SPRED3: variants seen among roughly 807,000 people sequenced by gnomAD.
SPRED3 encodes the protein sprouty related EVH1 domain containing 3.
A neutral mutation model predicts 37.6 loss-of-function variants in SPRED3; 23 were observed. The ratio of observed to expected loss-of-function variants is 0.61; its 90% CI spans 0.44 to 0.87. The LOEUF is 0.87. SPRED3 is among the 40% of genes least tolerant of loss of function. The pLI is 0.00. For missense variants in SPRED3, 584 were observed against 618.6 expected (o/e 0.94, Z 0.59); for synonymous variants, 302 against 279.6 (o/e 1.08, Z -0.80).
chr19:38,390,446 C>CGTCATCCACGGGGAA lies in SPRED3; in HGVS notation c.145_159dup (p.Val49_Glu53dup). 7.2e-7 allele frequency: 1 copy of CGTCATCCACGGGGAA among 1,394,708 alleles called. No homozygotes were observed. The highest frequency in any genetic ancestry group is 1.8e-5 in the South Asian group (1 of 55,366). 86.4% of individuals were successfully genotyped at this position (1,394,708 alleles called of 1,614,324 possible). A position where few individuals can be genotyped will look rare whatever the true frequency, so the allele number is the denominator to read the frequency against. ...AGGGGGGGGCCCGCCAGGGGCACTA[C>CGTCATCCACGGGGAA]GTCATCCACGGGGAACGCCTCCGGG... On this transcript the variant is annotated inframe_insertion, in exon 2 of 6. Coordinates refer to ENST00000691638, the MANE Select transcript of SPRED3 (RefSeq NM_001394336.1).
chr19:38,396,502 A>C lies in SPRED3; in HGVS notation c.*357A>C, dbSNP rs73044923. 0.057 allele frequency: 9,913 copies of C among 174,630 alleles called. 384 individuals carry two copies. Among genetic ancestry groups the C allele is most frequent in the East Asian group, 0.12 (813 of 6,770 alleles). The allele number at this position is 174,630 out of a possible 1,614,324, so 10.8% of individuals were successfully genotyped here. A position where few individuals can be genotyped will look rare whatever the true frequency, so the allele number is the denominator to read the frequency against. Reference sequence around the variant, plus strand: ...TCCCTGTTGAAATGAACAACCTAGAACCCGGTCACGCCTGGCACCATGTCC... The same window carrying C: ...TCCCTGTTGAAATGAACAACCTAGACCCCGGTCACGCCTGGCACCATGTCC... On this transcript the variant is annotated 3_prime_UTR_variant, in exon 6 of 6. Coordinates refer to ENST00000691638, the MANE Select transcript of SPRED3 (RefSeq NM_001394336.1).
rs1262698441 is a variant in SPRED3, at chr19:38,397,660, C to T, written c.*1515C>T. ...CCTGTCATCCATAGGCCCCTAAAAC[C>T]CCAAGGTTCCAGCCTCTGGAATTCT... On this transcript the variant is annotated 3_prime_UTR_variant, in exon 6 of 6. Transcript: ENST00000691638. The T allele has an allele frequency of 6.6e-6, 1 of 152,148 alleles. No individual in the cohort carries two copies. The highest frequency in any genetic ancestry group is 1.5e-5 in the Non-Finnish European group (1 of 68,072). 9.4% of individuals were successfully genotyped at this position (152,148 alleles called of 1,614,324 possible). A position where few individuals can be genotyped will look rare whatever the true frequency, so the allele number is the denominator to read the frequency against.
At chr19:38,393,370 C>T (rs1204415669) in intron 4 of SPRED3, among the ~76,000 whole-genome samples, 10 of 115,312 alleles carry the variant, frequency 8.7e-5, no homozygotes, top group East Asian at 5.9e-4. Context: ...TTTTTTGAGA[C>T]GGAATCTTGC....
At chr19:38,390,173 G>T (rs1397886771) in intron 1 of SPRED3, 126 bp from the exon 2 acceptor site, 1 of 926,478 alleles carries the variant, frequency 1.1e-6, no homozygotes, top group Non-Finnish European at 1.5e-6. Flanking sequence ...CTAGCTTAGG[G>T]TGCAGTGGAC....
rs7256696 is a variant in SPRED3, at chr19:38,394,776, C to T, written c.557C>T (p.Ser186Phe). 1.0e-4 allele frequency: 163 copies of T among 1,571,406 alleles called. No individual in the cohort carries two copies. In the African/African-American group the frequency reaches 1.9e-3, roughly 18 times the overall value. The change falls in exon 5 of 6, where the codon TCC becomes TTC. Residue 186 changes from serine (S) to phenylalanine (F), a missense_variant. Physicochemically the swap from Ser to Phe is radical, Grantham distance 155. This residue lies in a region of SPRED3 where 310 missense variants were observed against 281.1 expected (regional missense o/e 1.10). Coordinates refer to ENST00000691638, the MANE Select transcript of SPRED3 (RefSeq NM_001394336.1). ...ACCACGCCCCCCCAGCGCCGCCGCTCCTCCGCTCAGGTGCGACCTGGGAGC... is the reference window on the plus strand; with the variant it reads ...ACCACGCCCCCCCAGCGCCGCCGCTTCTCCGCTCAGGTGCGACCTGGGAGC... ...GPTTPPQRRR[S>F]SAQSYPPLLP... is the part of the protein sequence containing the mutation.
At chr19:38,390,686 C>T (rs1970818469) in intron 2 of SPRED3, among the ~76,000 whole-genome samples, 2 of 151,766 alleles carry the variant, frequency 1.3e-5, no homozygotes, top group African/African-American at 4.8e-5. Flanking sequence ...CTGCCACTTC[C>T]AGCCAGACTA....
Position 38,396,055 on chromosome 19 carries a change from C to T in SPRED3, c.1143C>T (p.Cys381=), listed in dbSNP as rs1012231084. The change falls in exon 6 of 6, where the codon TGC becomes TGT. Residue 381 remains cysteine (C), a synonymous_variant. Coordinates refer to ENST00000691638, the MANE Select transcript of SPRED3 (RefSeq NM_001394336.1). ...TCTCCCTGGCAGTGCCCTGCCTCTG[C>T]TGCTACGCGCCCCTGCGCGCGTGCC... ...AALSLAVPCL[C]CYAPLRACHW... is the part of the protein sequence containing the mutation. 3.1e-5 allele frequency: 42 copies of T among 1,359,492 alleles called. No homozygotes were observed. In the African/African-American group the frequency reaches 6.0e-4, roughly 19 times the overall value. 84.2% of individuals were successfully genotyped at this position (1,359,492 alleles called of 1,614,324 possible).
At chr19:38,392,587 G>A (rs771278884) in intron 4 of SPRED3, 5 of 328,718 alleles carry the variant, frequency 1.5e-5, no homozygotes, top group Non-Finnish European at 2.7e-5. Flanking sequence ...CTATTCTAGT[G>A]TGGAAAGGCA....
rs777262636 is a variant in SPRED3 at position 38,395,876 on chromosome 19, G to A, written c.964G>A (p.Gly322Ser). 4 of 1,496,916 alleles carry A rather than the reference G, an allele frequency of 2.7e-6. No individual in the cohort carries two copies. The South Asian group carries it at 3.7e-5, about 14-fold the overall frequency. The allele number at this position is 1,496,916 out of a possible 1,614,324, so 92.7% of individuals were successfully genotyped here. ...GGRCAEAPDP[G>S]RLLVRRLSCL... ...CCGCTGCGCAGAGGCCCCGGACCCG[G>A]GTCGCCTCCTGGTGCGCCGTCTAAG... The change falls in exon 6 of 6, where the codon GGT becomes AGT. Residue 322 changes from glycine (G) to serine (S), a missense_variant. This residue lies in a region of SPRED3 where 67 missense variants were observed against 57.4 expected (regional missense o/e 1.17). Transcript: ENST00000691638. The surrounding 1 kb of genome is among the most constrained non-coding windows in gnomAD (Gnocchi z 5.2).
intron 1 of SPRED3, among the ~76,000 whole-genome samples, chr19:38,389,012 G>A (rs1489416092): frequency 6.6e-6 from 1 of 152,200 alleles, no homozygotes; most frequent in Non-Finnish European, 1.5e-5. Context: ...TTTCTCCGAG[G>A]ATGCCCCATT....
chr19:38,395,787 A>G lies in SPRED3; in HGVS notation c.875A>G (p.Glu292Gly). The change falls in exon 6 of 6, where the codon GAG becomes GGG. Residue 292 changes from glutamate (E) to glycine (G), a missense_variant. Glu to Gly is a moderately conservative substitution (Grantham distance 98, BLOSUM62 -2). This residue lies in a region of SPRED3 where 310 missense variants were observed against 281.1 expected (regional missense o/e 1.10). Coordinates refer to ENST00000691638, the MANE Select transcript of SPRED3 (RefSeq NM_001394336.1). The surrounding 1 kb of genome is among the most constrained non-coding windows in gnomAD (Gnocchi z 5.2). ...CCTGCCAAGGCCTCCCCGGAAGCGG[A>G]GGAGGCAGCGCGCTGCGTGCATTGC... ...SAPAKASPEA[E>G]EAARCVHCRA... The G allele has an allele frequency of 6.8e-7, 1 of 1,463,902 alleles. No homozygotes were observed. The highest frequency in any genetic ancestry group is 2.5e-5 in the Admixed American group (1 of 39,844). The allele number at this position is 1,463,902 out of a possible 1,614,324, so 90.7% of individuals were successfully genotyped here.
At chr19:38,394,849 G>C in intron 5 of SPRED3, 63 bp downstream of exon 5, 1 of 1,461,076 alleles carries the variant, frequency 6.8e-7, no homozygotes, top group Non-Finnish European at 9.0e-7. Context: ...CCCGAAGGGA[G>C]CGGGAGCCAT....
rs1393810679 is a variant in SPRED3, at chr19:38,399,430, T to G, written c.*3285T>G. ...TTTGGGGGAGGCACCCCAACATATA[T>G]CTTCCTGATCTTGTTTCTAAGCCAG... On this transcript the variant is annotated 3_prime_UTR_variant, in exon 6 of 6. Coordinates refer to ENST00000691638, the MANE Select transcript of SPRED3 (RefSeq NM_001394336.1). The G allele has an allele frequency of 5.3e-5, 8 of 152,008 alleles. No individual in the cohort carries two copies. Among genetic ancestry groups the G allele is most frequent in the Non-Finnish European group, 1.0e-4 (7 of 68,014 alleles). 9.4% of individuals were successfully genotyped at this position (152,008 alleles called of 1,614,324 possible).
intron 1 of SPRED3, among the ~76,000 whole-genome samples, chr19:38,389,416 A>G (rs995862064): frequency 3.5e-5 from 5 of 143,386 alleles, no homozygotes; most frequent in African/African-American, 1.3e-4. Flanking sequence ...CTGGACACTG[A>G]TCCCGATTAC....
rs1424897725 is a variant in SPRED3, at chr19:38,390,398, T to A, written c.96T>A (p.Cys32Ter). The A allele has an allele frequency of 7.2e-7, 1 of 1,388,412 alleles. No homozygotes were observed. 86.0% of individuals were successfully genotyped at this position (1,388,412 alleles called of 1,614,324 possible). A position where few individuals can be genotyped will look rare whatever the true frequency, so the allele number is the denominator to read the frequency against. Residue 32 changes from cysteine (C) to a stop codon, truncating the protein, a stop_gained, in exon 2 of 6, where the codon TGT becomes TGA. Coordinates refer to ENST00000691638, the MANE Select transcript of SPRED3 (RefSeq NM_001394336.1). LOFTEE classifies it high-confidence loss of function. Reference sequence around the variant, plus strand: ...GGGGCCTCAGCCAGGTGAGCGTGTGTCGGGTCCGAGGGGCCAGGCCCGAGG... The same window carrying A: ...GGGGCCTCAGCCAGGTGAGCGTGTGACGGGTCCGAGGGGCCAGGCCCGAGG... ...GGGGLSQVSV[C>*]RVRGARPEGG...
At chr19:38,391,883 G>T in intron 2 of SPRED3, 63 bp from the exon 3 acceptor site, 1 of 1,585,962 alleles carries the variant, frequency 6.3e-7, no homozygotes. Flanking sequence ...GCTGGTGATG[G>T]ACGAGACGTC....
At chr19:38,390,010 C>A in intron 1 of SPRED3, 1 of 221,730 alleles carries the variant, frequency 4.5e-6, no homozygotes, top group East Asian at 6.2e-5. Context: ...AACACCAGGG[C>A]TATGGGGGTG....
Position 38,390,498 on chromosome 19 carries a change from T to TG in SPRED3, c.177+20dup. On this transcript the variant is annotated intron_variant, in intron 2 of 5. Coordinates refer to ENST00000691638, the MANE Select transcript of SPRED3 (RefSeq NM_001394336.1). Reference sequence around the variant, plus strand: ...CCAGAAAGTGAGCCACCCTGGGGCATGCGGGGAGGGTAGGGACCTGGGGAG... The same window carrying TG: ...CCAGAAAGTGAGCCACCCTGGGGCATGGCGGGGAGGGTAGGGACCTGGGGAG... The TG allele has an allele frequency of 8.5e-7, 1 of 1,176,932 alleles. No homozygotes were observed. Among genetic ancestry groups the TG allele is most frequent in the Non-Finnish European group, 1.1e-6 (1 of 935,094 alleles). 72.9% of individuals were successfully genotyped at this position (1,176,932 alleles called of 1,614,324 possible). A position where few individuals can be genotyped will look rare whatever the true frequency, so the allele number is the denominator to read the frequency against.
Position 38,395,729 on chromosome 19 carries a change from C to T in SPRED3, c.817C>T (p.Arg273Cys), listed in dbSNP as rs936362860. 2 of 1,451,932 alleles carry T rather than the reference C, an allele frequency of 1.4e-6. No homozygotes were observed. Among genetic ancestry groups the T allele is most frequent in the African/African-American group, 1.5e-5 (1 of 67,128 alleles). The allele number at this position is 1,451,932 out of a possible 1,614,324, so 89.9% of individuals were successfully genotyped here. The change falls in exon 6 of 6, where the codon CGC (arginine) becomes TGC (cysteine). Residue 273 changes from arginine (R) to cysteine (C), a missense_variant. This residue lies in a region of SPRED3 where 310 missense variants were observed against 281.1 expected (regional missense o/e 1.10). Coordinates refer to ENST00000691638, the MANE Select transcript of SPRED3 (RefSeq NM_001394336.1). The surrounding 1 kb of genome is among the most constrained non-coding windows in gnomAD (Gnocchi z 5.2). The stretch of plus-strand genomic sequence containing the variant: ...GGCTGCGCCCCCAGCGCCCCCCGCT[C>T]GCCCACCCCCCGGCCCGGGCCCATC... ...TEAAPPAPPA[R>C]PPPGPGPSSA...
Sources: gnomAD v4.1 joint callset for allele counts (sites outside exome capture counted in the v4.1 genomes callset) on GRCh38, gnomAD v4.1.1 for gene constraint, gnomAD v4.1.1 regional missense constraint, Gnocchi (gnomAD v3.1) non-coding constraint, MANE v1.5 for transcripts, NCBI Gene and HGNC (gene_info 2026-07-23, HGNC 2026-07-21) for gene names.